MAML1: variants seen among roughly 807,000 people sequenced by gnomAD.
The protein encoded by MAML1 is mastermind-like protein 1.
A neutral mutation model predicts 77.1 loss-of-function variants in MAML1; 14 were observed. The ratio of observed to expected loss-of-function variants is 0.18; its 90% CI spans 0.12 to 0.28. The LOEUF is 0.28. Ranked by LOEUF, MAML1 falls within the 10% of genes least tolerant of loss-of-function variation. MAML1 has a pLI of 1.00. For missense variants in MAML1, 1,217 were observed against 1,327.8 expected (o/e 0.92, Z 1.30); for synonymous variants, 516 against 551.9 (o/e 0.93, Z 0.91).
chr5:179,759,728 C>T (rs1186899445), intron 1 of MAML1, among the ~76,000 whole-genome samples: 2 of 152,196 alleles, frequency 1.3e-5, no homozygotes, highest in Non-Finnish European at 2.9e-5. Flanking sequence ...GCCTTAAAAA[C>T]TTCTGATGTT....
intron 1 of MAML1, among the ~76,000 whole-genome samples, chr5:179,764,115 C>G (rs562406745): frequency 3.9e-5 from 6 of 152,174 alleles, no homozygotes; most frequent in East Asian, 3.9e-4. Flanking sequence ...AATCGCCGCC[C>G]CTGAACTCCC....
chr5:179,764,396 C>T (rs1779774333), intron 1 of MAML1, among the ~76,000 whole-genome samples: 1 of 152,158 alleles, frequency 6.6e-6, no homozygotes, highest in African/African-American at 2.4e-5. Flanking sequence ...CGCAGTGGCT[C>T]ACACCTGTAA....
At chr5:179,772,933 T>C (rs112931304) in intron 4 of MAML1, among the ~76,000 whole-genome samples, 5,251 of 152,242 alleles carry the variant, frequency 0.034, 133 homozygotes, top group African/African-American at 0.042. Flanking sequence ...CTCTTTCGCC[T>C]AGGCTGGAGT....
rs1305024835 is a variant in MAML1 at position 179,765,419 on chromosome 5, C to T, written c.409C>T (p.His137Tyr). The change falls in exon 2 of 5, where the codon CAT becomes TAT. Residue 137 changes from histidine (H) to tyrosine (Y), a missense_variant. By Grantham distance (83) the His-to-Tyr change is moderately conservative. This residue lies in a region of MAML1 where 312 missense variants were observed against 331.4 expected (regional missense o/e 0.94). Transcript: ENST00000292599. ...TGGCTACGGGGACCTCTTTCCTGGG[C>T]ATAAGAAGACTCGCCGGGAGGCCCC... is the stretch of plus-strand genomic sequence containing the variant. ...QNGYGDLFPG[H>Y]KKTRREAPLG... The T allele has an allele frequency of 6.2e-7, 1 of 1,614,196 alleles. No individual in the cohort carries two copies. Among genetic ancestry groups the T allele is most frequent in the Admixed American group, 1.7e-5 (1 of 60,014 alleles).
In MAML1 at chr5:179,777,024, G is replaced by A. The variant is rs574035202; in HGVS notation, c.*2147G>A. On this transcript the variant is annotated 3_prime_UTR_variant, in exon 5 of 5. Transcript: ENST00000292599. ...ATTTTATATGAAAGATGGAATAAGC[G>A]CTAGAGCTTCCAACTGTATATTTTT... 1.6e-5 allele frequency: 16 copies of A among 984,368 alleles called. No homozygotes were observed. Among genetic ancestry groups the A allele is most frequent in the African/African-American group, 1.4e-4 (8 of 57,320 alleles). 61.0% of individuals were successfully genotyped at this position (984,368 alleles called of 1,614,324 possible).
chr5:179,754,593 A>G (rs1323947762), intron 1 of MAML1, among the ~76,000 whole-genome samples: 2 of 152,120 alleles, frequency 1.3e-5, no homozygotes, highest in African/African-American at 4.8e-5. Context: ...CTGTCTCAAA[A>G]AGAAAAAAAA....
rs748899296 is a variant in MAML1, at chr5:179,732,877, T to C, written c.-236T>C. On this transcript the variant is annotated 5_prime_UTR_variant, in exon 1 of 5. The change abolishes an upstream ATG in the 5' untranslated region. Transcript: ENST00000292599. ...GCCGCGGCGGTAGCGCGGAAAACAA[T>C]GGGGCCGGGGCGGTGGGGAGAGGCC... 7 of 257,446 alleles carry C rather than the reference T, an allele frequency of 2.7e-5. No individual in the cohort carries two copies. The highest frequency in any genetic ancestry group is 4.4e-5 in the Non-Finnish European group (6 of 137,268). 15.9% of individuals were successfully genotyped at this position (257,446 alleles called of 1,614,324 possible). A position where few individuals can be genotyped will look rare whatever the true frequency, so the allele number is the denominator to read the frequency against.
intron 1 of MAML1, among the ~76,000 whole-genome samples, chr5:179,744,816 G>C (rs1027988611): frequency 6.6e-6 from 1 of 152,050 alleles, no homozygotes; most frequent in Non-Finnish European, 1.5e-5. Flanking sequence ...AATAGATGTA[G>C]CATTTATAAG....
intron 1 of MAML1, among the ~76,000 whole-genome samples, chr5:179,736,343 C>G (rs564220142): frequency 6.6e-6 from 1 of 152,206 alleles, no homozygotes; most frequent in Non-Finnish European, 1.5e-5. Context: ...ACCTCCGCCT[C>G]CCAGGTTCAA....
chr5:179,765,566 C>G lies in MAML1; in HGVS notation c.556C>G (p.Leu186Val). Reference protein sequence around the residue: ...SGKHSLGLDSLNKKRLADSSL... With the variant: ...SGKHSLGLDSVNKKRLADSSL... ...GAAGCACTCTCTGGGGCTAGACTCT[C>G]TCAACAAAAAGCGTCTGGCTGACTC... The change falls in exon 2 of 5, where the codon CTC (leucine) becomes GTC (valine). Residue 186 changes from leucine to valine, a missense_variant. Physicochemically the swap from Leu to Val is conservative, Grantham distance 32. Around this residue, in one of 3 missense-constraint regions of MAML1, gnomAD observed 312 missense variants for 331.4 expected, o/e 0.94. Transcript: ENST00000292599. 1 of 1,614,040 alleles carries G rather than the reference C, an allele frequency of 6.2e-7. No homozygotes were observed. Among genetic ancestry groups the G allele is most frequent in the Non-Finnish European group, 8.5e-7 (1 of 1,179,968 alleles).
Position 179,766,696 on chromosome 5 carries a change from A to T in MAML1, c.1686A>T (p.Pro562=). The part of the protein sequence containing the change: ...HEQNSLFLMK[P]KPGNMPFRSL... ...AGAACTCCCTGTTTCTGATGAAGCC[A>T]AAGCCAGGAAATATGCCTTTCCGAT... Residue 562 remains proline, a synonymous_variant, in exon 2 of 5, where the codon CCA becomes CCT. Transcript: ENST00000292599. This position sits in a 1 kb window ranked among gnomAD's most constrained non-coding sequence, Gnocchi z 4.0. 1 of 1,582,240 alleles carries T rather than the reference A, an allele frequency of 6.3e-7. No individual in the cohort carries two copies. The highest frequency in any genetic ancestry group is 1.4e-5 in the African/African-American group (1 of 73,824).
chr5:179,764,112 G>C (rs983890301), intron 1 of MAML1, among the ~76,000 whole-genome samples: 1 of 151,882 alleles, frequency 6.6e-6, no homozygotes, highest in Non-Finnish European at 1.5e-5. Context: ...TGAAATCGCC[G>C]CCCCTGAACT....
Position 179,776,999 on chromosome 5 carries a change from A to G in MAML1, c.*2122A>G. ...TGCTTTGTGTAAATAAATGTTTACA[A>G]TTTTATATGAAAGATGGAATAAGCG... On this transcript the variant is annotated 3_prime_UTR_variant, in exon 5 of 5. Coordinates refer to ENST00000292599, the MANE Select transcript of MAML1 (RefSeq NM_014757.5). The G allele has an allele frequency of 4.1e-6, 4 of 985,056 alleles. No homozygotes were observed. Among genetic ancestry groups the G allele is most frequent in the Non-Finnish European group, 4.8e-6 (4 of 829,216 alleles). The allele number at this position is 985,056 out of a possible 1,614,324, so 61.0% of individuals were successfully genotyped here.
At chr5:179,747,247 G>A (rs1779399632) in intron 1 of MAML1, among the ~76,000 whole-genome samples, 1 of 152,234 alleles carries the variant, frequency 6.6e-6, no homozygotes, top group Non-Finnish European at 1.5e-5. Flanking sequence ...TGTACCTGCT[G>A]TATTTGGCAG....
In MAML1 at chr5:179,732,865, C is replaced by G. The variant is rs1293541703; in HGVS notation, c.-248C>G. ...TTTAAGATGGCGGCCGCGGCGGTAGCGCGGAAAACAATGGGGCCGGGGCGG... is the reference window on the plus strand; with the variant it reads ...TTTAAGATGGCGGCCGCGGCGGTAGGGCGGAAAACAATGGGGCCGGGGCGG... On this transcript the variant is annotated 5_prime_UTR_variant, in exon 1 of 5. Coordinates refer to ENST00000292599, the MANE Select transcript of MAML1 (RefSeq NM_014757.5). 4.0e-6 allele frequency: 1 copy of G among 249,002 alleles called. No homozygotes were observed. Among genetic ancestry groups the G allele is most frequent in the South Asian group, 1.8e-4 (1 of 5,714 alleles). 15.4% of individuals were successfully genotyped at this position (249,002 alleles called of 1,614,324 possible). A position where few individuals can be genotyped will look rare whatever the true frequency, so the allele number is the denominator to read the frequency against.
intron 1 of MAML1, among the ~76,000 whole-genome samples, chr5:179,765,069 C>T (rs536364085): frequency 3.3e-5 from 5 of 151,682 alleles, no homozygotes; most frequent in East Asian, 3.9e-4. Flanking sequence ...TACCGCCAGA[C>T]GAGATGGCTG....
At chr5:179,758,569 T>C (rs1779669345) in intron 1 of MAML1, among the ~76,000 whole-genome samples, 1 of 152,078 alleles carries the variant, frequency 6.6e-6, no homozygotes, top group Non-Finnish European at 1.5e-5. Context: ...TATTTATTTT[T>C]TTTAGAAATG....
intron 1 of MAML1, among the ~76,000 whole-genome samples, chr5:179,751,739 C>T (rs969269230): frequency 1.1e-4 from 16 of 151,980 alleles, no homozygotes; most frequent in African/African-American, 3.9e-4. Context: ...TGGCCAGGCA[C>T]AGTAGCTCAT....
intron 1 of MAML1, among the ~76,000 whole-genome samples, chr5:179,736,593 A>G (rs1273256669): frequency 6.6e-6 from 1 of 152,196 alleles, no homozygotes; most frequent in Non-Finnish European, 1.5e-5. Context: ...GGTCATTGCA[A>G]TTGAAGTAAA....
Sources: allele counts gnomAD v4.1 joint callset (sites outside exome capture counted in the v4.1 genomes callset), GRCh38; gene constraint gnomAD v4.1.1; regional missense constraint gnomAD v4.1.1; non-coding constraint Gnocchi (gnomAD v3.1); transcripts MANE v1.5; gene names NCBI Gene and HGNC (gene_info 2026-07-23, HGNC 2026-07-21).